DDX42: variants seen among roughly 807,000 people sequenced by gnomAD.
DDX42 encodes DEAD-box helicase 42, also known as ATP-dependent RNA helicase DDX42.
DDX42 carries 22 observed loss-of-function variants against 101.5 expected under a neutral mutation model. The observed-to-expected ratio is 0.22, with a 90% CI of 0.15 to 0.31. DDX42 has a LOEUF of 0.31. Among genes scored for constraint, DDX42 ranks in the 10% least tolerant of loss-of-function variants. The pLI is 1.00. For missense variants in DDX42, 849 were observed against 1,199.9 expected (o/e 0.71, Z 4.32); for synonymous variants, 402 against 401.2 (o/e 1.00, Z -0.02).
In DDX42 at chr17:63,818,560, C is replaced by T. The variant is rs77761202; in HGVS notation, c.*162C>T. 3.9e-3 allele frequency: 2,588 copies of T among 665,596 alleles called. 44 individuals carry two copies. In the African/African-American group the frequency reaches 0.042, roughly 11 times the overall value. The allele number at this position is 665,596 out of a possible 1,614,324, so 41.2% of individuals were successfully genotyped here. On this transcript the variant is annotated 3_prime_UTR_variant, in exon 18 of 18. Coordinates refer to ENST00000389924, the MANE Select transcript of DDX42 (RefSeq NM_203499.3). ...TTACCCCTTCATCAGAAGGAATTTT[C>T]GGATGTTTTCTTGGGAAGCTGTTTT...
At chr17:63,779,968 A>G (rs1386295681) in intron 1 of DDX42, among the ~76,000 whole-genome samples, 1 of 152,140 alleles carries the variant, frequency 6.6e-6, no homozygotes, top group Non-Finnish European at 1.5e-5. Flanking sequence ...TGTGATTGTC[A>G]AGGTTCAGTA....
At chr17:63,800,315 A>G (rs2039746995) in intron 5 of DDX42, 153 bp from the exon 6 acceptor site, 4 of 583,728 alleles carry the variant, frequency 6.9e-6, no homozygotes, top group East Asian at 2.9e-5. Flanking sequence ...GAATATTGCT[A>G]TTATTAAAGG....
chr17:63,786,291 A>T (rs1378765768), intron 1 of DDX42, among the ~76,000 whole-genome samples: 1 of 151,876 alleles, frequency 6.6e-6, no homozygotes, highest in Non-Finnish European at 1.5e-5. Context: ...AGGCTGGAAT[A>T]CAGTGGCTAT....
At chr17:63,779,472 C>T (rs2039460173) in intron 1 of DDX42, among the ~76,000 whole-genome samples, 1 of 152,132 alleles carries the variant, frequency 6.6e-6, no homozygotes, top group Admixed American at 6.5e-5. Flanking sequence ...CATTGTTGTC[C>T]AGGCTGACCT....
rs753592017 is a variant in DDX42, at chr17:63,798,133, G to A, written c.434+34G>A. 1.2e-5 allele frequency: 19 copies of A among 1,600,728 alleles called. No homozygotes were observed. The South Asian group carries it at 1.2e-4, about 10-fold the overall frequency. On this transcript the variant is annotated intron_variant, in intron 4 of 17. Transcript: ENST00000389924. ...TTTTCTTCTCCCTCACAAAGGTTAC[G>A]TGAAAACTGCTGAAGTATTGCAAAG... is the stretch of plus-strand genomic sequence containing the variant.
intron 5 of DDX42, 196 bp from the exon 6 acceptor site, chr17:63,800,272 A>G (rs2039746394): frequency 1.8e-6 from 1 of 549,926 alleles, no homozygotes; most frequent in East Asian, 3.0e-5. Context: ...AATAGTACTA[A>G]CTGTTTAATT....
At position 63,818,301 on chromosome 17, in the gene DDX42, G is replaced by C. The variant is rs1336675083; in HGVS notation, c.2720G>C (p.Ser907Thr). ...EPKMEPKVDS[S>T]KMDKVDSKTD... ...AAGATGGAACCCAAAGTGGACAGCA[G>C]CAAGATGGACAAGGTGGACAGCAAG... The change falls in exon 18 of 18, where the codon AGC becomes ACC. Residue 907 changes from serine (S) to threonine (T), a missense_variant. Coordinates refer to ENST00000389924, the MANE Select transcript of DDX42 (RefSeq NM_203499.3). The C allele has an allele frequency of 6.2e-7, 1 of 1,614,074 alleles. No individual in the cohort carries two copies. Among genetic ancestry groups the C allele is most frequent in the East Asian group, 2.2e-5 (1 of 44,874 alleles).
chr17:63,814,474 C>T (rs763097192), intron 15 of DDX42, among the ~76,000 whole-genome samples: 8 of 152,174 alleles, frequency 5.3e-5, no homozygotes, highest in Non-Finnish European at 1.2e-4. Context: ...TCCCCTGCTC[C>T]TGAGCACAGA....
rs1598345784 is a variant in DDX42, at chr17:63,817,533, C to T, written c.2113-161C>T. On this transcript the variant is annotated intron_variant, in intron 17 of 17. Coordinates refer to ENST00000389924, the MANE Select transcript of DDX42 (RefSeq NM_203499.3). Reference sequence around the variant, plus strand: ...GAGATCCACAAGTTTTCCTTTATAGCACAAGAACAAAAGGGACCATACTGT... The same window carrying T: ...GAGATCCACAAGTTTTCCTTTATAGTACAAGAACAAAAGGGACCATACTGT... The T allele has an allele frequency of 7.5e-6, 5 of 663,812 alleles. No individual in the cohort carries two copies. The East Asian group carries it at 1.4e-4, about 18-fold the overall frequency. 41.1% of individuals were successfully genotyped at this position (663,812 alleles called of 1,614,324 possible). A position where few individuals can be genotyped will look rare whatever the true frequency, so the allele number is the denominator to read the frequency against.
chr17:63,817,916 T>C lies in DDX42; in HGVS notation c.2335T>C (p.Tyr779His). The change falls in exon 18 of 18, where the codon TAC becomes CAC. Residue 779 changes from tyrosine to histidine, a missense_variant. By Grantham distance (83) the Tyr-to-His change is moderately conservative. This residue lies in a region of DDX42 where 300 missense variants were observed against 304.9 expected (regional missense o/e 0.98). Coordinates refer to ENST00000389924, the MANE Select transcript of DDX42 (RefSeq NM_203499.3). ...TGNISGAPVT[Y>H]PSAGAQGVNN... is the part of the protein sequence containing the mutation. ...CAACATCAGTGGTGCCCCTGTGACCTACCCGTCTGCCGGAGCCCAAGGAGT... is the reference window on the plus strand; with the variant it reads ...CAACATCAGTGGTGCCCCTGTGACCCACCCGTCTGCCGGAGCCCAAGGAGT... 1.2e-6 allele frequency: 2 copies of C among 1,614,148 alleles called. No homozygotes were observed. The highest frequency in any genetic ancestry group is 1.7e-6 in the Non-Finnish European group (2 of 1,180,026).
chr17:63,812,388 A>G (rs531908969), intron 14 of DDX42, among the ~76,000 whole-genome samples, 180 bp downstream of exon 14: 1 of 152,294 alleles, frequency 6.6e-6, no homozygotes, highest in South Asian at 2.1e-4. Flanking sequence ...CTGGAGCTCT[A>G]GATACCACTT....
intron 1 of DDX42, among the ~76,000 whole-genome samples, chr17:63,779,806 A>G (rs1598320498): frequency 1.3e-5 from 2 of 151,058 alleles, no homozygotes; most frequent in Non-Finnish European, 3.0e-5. Context: ...CTGGTCTCAA[A>G]CTCCTGGCCT....
At chr17:63,787,573 TCA>T (rs1283592226) in intron 2 of DDX42, among the ~76,000 whole-genome samples, 2 of 152,088 alleles carry the variant, frequency 1.3e-5, no homozygotes, top group Admixed American at 1.3e-4. Context: ...GCGTGGTGGC[TCA>T]CACCTGTAAT....
At chr17:63,791,452 C>A (rs889516372) in intron 2 of DDX42, among the ~76,000 whole-genome samples, 1 of 152,060 alleles carries the variant, frequency 6.6e-6, no homozygotes, top group Non-Finnish European at 1.5e-5. Flanking sequence ...GCTGGGATTA[C>A]GGGCATGTGC....
chr17:63,811,548 G>T, intron 13 of DDX42: 2 of 373,066 alleles, frequency 5.4e-6, no homozygotes, highest in Non-Finnish European at 9.7e-6. Flanking sequence ...ACGCAGGAGG[G>T]AAAGGGTGAC....
Position 63,817,460 on chromosome 17 carries a change from C to T in DDX42, c.2113-234C>T, listed in dbSNP as rs1251800245. 4 of 480,340 alleles carry T rather than the reference C, an allele frequency of 8.3e-6. No homozygotes were observed. In the East Asian group the frequency reaches 1.3e-4, roughly 16 times the overall value. The allele number at this position is 480,340 out of a possible 1,614,324, so 29.8% of individuals were successfully genotyped here. The stretch of plus-strand genomic sequence containing the variant: ...ACATAGATGCTTTATTCTAGCCAAT[C>T]AGGCTATAAAAGTACATTTCAGAAC... On this transcript the variant is annotated intron_variant, in intron 17 of 17. Coordinates refer to ENST00000389924, the MANE Select transcript of DDX42 (RefSeq NM_203499.3).
intron 1 of DDX42, among the ~76,000 whole-genome samples, chr17:63,781,260 C>T (rs1234636019): frequency 6.6e-6 from 1 of 152,152 alleles, no homozygotes; most frequent in Non-Finnish European, 1.5e-5. Context: ...CACTCTCGCC[C>T]AGGCTGGAGT....
chr17:63,812,338 A>G (rs1275790459), intron 14 of DDX42, 130 bp downstream of exon 14: 16 of 1,158,440 alleles, frequency 1.4e-5, no homozygotes, highest in African/African-American at 4.7e-5. Flanking sequence ...TCCCCTCCCA[A>G]ACCCCCAAGG....
At chr17:63,817,632 T>G in intron 17 of DDX42, 62 bp from the exon 18 acceptor site, 1 of 1,521,954 alleles carries the variant, frequency 6.6e-7, no homozygotes, top group Non-Finnish European at 9.0e-7. Flanking sequence ...TTTGCCAAGT[T>G]GTATATTCAA....
Sources: gnomAD v4.1 joint callset for allele counts (sites outside exome capture counted in the v4.1 genomes callset) on GRCh38, gnomAD v4.1.1 for gene constraint, gnomAD v4.1.1 regional missense constraint, MANE v1.5 for transcripts, NCBI Gene and HGNC (gene_info 2026-07-23, HGNC 2026-07-21) for gene names.